The following LEPR variants were observed in gnomAD, a reference collection of about 807,000 sequenced individuals.
The protein encoded by LEPR is OB receptor.
In LEPR, 56 loss-of-function variants were observed where a neutral mutation model predicts 114.7. That is an observed-to-expected ratio of 0.49 (90% CI 0.39 to 0.61). The LOEUF is 0.61. Among genes scored for constraint, LEPR ranks in the 20% least tolerant of loss-of-function variants. The pLI, the probability that LEPR is intolerant of heterozygous loss-of-function variation, is 0.00. For missense variants in LEPR, 1,202 were observed against 1,352.9 expected, an observed-to-expected ratio of 0.89 and a Z score of 1.75; for synonymous variants, 443 against 461.4, an observed-to-expected ratio of 0.96 and a Z score of 0.51.
intron 5 of LEPR, among the ~76,000 whole-genome samples, chr1:65,584,324 T>C (rs921395660): frequency 1.3e-5 from 2 of 152,100 alleles, no homozygotes; most frequent in African/African-American, 4.8e-5. Context: ...GTTGTTATTG[T>C]TTCTAGCCCT....
chr1:65,555,230 G>A (rs1391502314), intron 2 of LEPR, among the ~76,000 whole-genome samples: 1 of 152,198 alleles, frequency 6.6e-6, no homozygotes, highest in Non-Finnish European at 1.5e-5. Context: ...CATGAGAACA[G>A]CAATAGCATG....
intron 2 of LEPR, among the ~76,000 whole-genome samples, chr1:65,532,966 A>C (rs1557644635): frequency 6.6e-6 from 1 of 152,238 alleles, no homozygotes; most frequent in Non-Finnish European, 1.5e-5. Flanking sequence ...GTATGCTATA[A>C]AAGAGTGAAC....
At chr1:65,455,163 T>G (rs1444293014) in intron 2 of LEPR, among the ~76,000 whole-genome samples, 1 of 152,182 alleles carries the variant, frequency 6.6e-6, no homozygotes, top group Non-Finnish European at 1.5e-5. Flanking sequence ...TCTGTATTGG[T>G]TATTCTAGTT....
intron 1 of LEPR, among the ~76,000 whole-genome samples, chr1:65,423,036 A>C (rs1357660916): frequency 1.3e-5 from 2 of 152,132 alleles, no homozygotes; most frequent in Admixed American, 6.5e-5. Context: ...GATTCATTGG[A>C]AGGTGGAATG....
chr1:65,639,497 A>T lies in LEPR; in HGVS notation c.*2482A>T, dbSNP rs76452073. 327 of 152,238 alleles carry T rather than the reference A, an allele frequency of 2.1e-3. 1 individual carries two copies. Among genetic ancestry groups the T allele is most frequent in the African/African-American group, 7.8e-3 (322 of 41,522 alleles). The allele number at this position is 152,238 out of a possible 1,614,324, so 9.4% of individuals were successfully genotyped here. A position where few individuals can be genotyped will look rare whatever the true frequency, so the allele number is the denominator to read the frequency against. On this transcript the variant is annotated 3_prime_UTR_variant, in exon 20 of 20. Transcript: ENST00000349533. ...GACCTTGTGAAAACTACCTGCCATG[A>T]AATACTGGATTTTCACATAATTTAG... is the stretch of plus-strand genomic sequence containing the variant.
At chr1:65,619,796 A>T in intron 16 of LEPR, 132 bp from the exon 17 acceptor site, 1 of 751,010 alleles carries the variant, frequency 1.3e-6, no homozygotes, top group Non-Finnish European at 2.2e-6. Context: ...TTGATAATTT[A>T]ATCCACAAAT....
intron 2 of LEPR, among the ~76,000 whole-genome samples, chr1:65,469,017 T>C (rs1041335755): frequency 6.6e-6 from 1 of 152,262 alleles, no homozygotes; most frequent in Admixed American, 6.5e-5. Context: ...GATTTACTTT[T>C]TGAATGTGGA....
At chr1:65,581,259 C>T (rs1190004589) in intron 5 of LEPR, among the ~76,000 whole-genome samples, 1 of 152,102 alleles carries the variant, frequency 6.6e-6, no homozygotes, top group East Asian at 1.9e-4. Flanking sequence ...CCCTTGCACC[C>T]TTCATGTTAG....
rs1258067883 is a variant in LEPR, at chr1:65,570,507, A to T, written c.75A>T (p.Ser25=). The T allele has an allele frequency of 6.2e-7, 1 of 1,613,888 alleles. No individual in the cohort carries two copies. The highest frequency in any genetic ancestry group is 2.2e-5 in the East Asian group (1 of 44,832). Residue 25 remains serine, a synonymous_variant, in exon 4 of 20, where the codon TCA becomes TCT. Coordinates refer to ENST00000349533, the MANE Select transcript of LEPR (RefSeq NM_002303.6). The part of the protein sequence containing the change: ...FIYVITAFNL[S]YPITPWRFKL... ...ATGTGATAACTGCGTTTAACTTGTC[A>T]TATCCAATTACTCCTTGGAGATTTA...
intron 3 of LEPR, among the ~76,000 whole-genome samples, chr1:65,568,184 T>C (rs1653906538): frequency 6.6e-6 from 1 of 152,214 alleles, no homozygotes; most frequent in Admixed American, 6.5e-5. Context: ...GTATATAGTC[T>C]TTTCATACTG....
At chr1:65,472,441 C>T (rs1482712994) in intron 2 of LEPR, among the ~76,000 whole-genome samples, 2 of 136,856 alleles carry the variant, frequency 1.5e-5, no homozygotes, top group Admixed American at 7.1e-5. Context: ...CACACACACA[C>T]ACACGTGTGT....
At chr1:65,427,009 AAAGAT>A (rs1484155354) in intron 2 of LEPR, among the ~76,000 whole-genome samples, 2 of 152,024 alleles carry the variant, frequency 1.3e-5, no homozygotes, top group Non-Finnish European at 2.9e-5. Context: ...AAAAAAAAAA[AAAGAT>A]GATGATGATG....
At chr1:65,611,365 C>G (rs1373199583) in intron 14 of LEPR, among the ~76,000 whole-genome samples, 1 of 152,148 alleles carries the variant, frequency 6.6e-6, no homozygotes, top group Admixed American at 6.5e-5. Context: ...GGCGGTTGAA[C>G]CCACCGCGGA....
At chr1:65,455,477 T>C (rs1646856517) in intron 2 of LEPR, among the ~76,000 whole-genome samples, 1 of 152,240 alleles carries the variant, frequency 6.6e-6, no homozygotes, top group South Asian at 2.1e-4. Flanking sequence ...ATGTCCTTTC[T>C]GTTTGTTAGT....
At position 65,556,754 on chromosome 1, in the gene LEPR, A is replaced by T. The variant is rs950214035; in HGVS notation, c.-20-8792A>T. ...TGGGATGGCCAGGGCAGGCTCCTTTAGAAGGTGAGTTGAGTGGTGGGGAGA... is the reference window on the plus strand; with the variant it reads ...TGGGATGGCCAGGGCAGGCTCCTTTTGAAGGTGAGTTGAGTGGTGGGGAGA... On this transcript the variant is annotated intron_variant, in intron 2 of 19. Transcript: ENST00000349533. Among the ~76,000 whole-genome samples the T allele has an allele frequency of 5.3e-5, 8 of 152,072 alleles. No homozygotes were observed. The South Asian group carries it at 8.3e-4, about 16-fold the overall frequency.
At chr1:65,545,221 G>A (rs1383909392) in intron 2 of LEPR, among the ~76,000 whole-genome samples, 1 of 147,410 alleles carries the variant, frequency 6.8e-6, no homozygotes, top group Non-Finnish European at 1.5e-5. Context: ...GGACATTTGG[G>A]TTGGTTCCAA....
At chr1:65,545,658 GTCT>G (rs1364893050) in intron 2 of LEPR, among the ~76,000 whole-genome samples, 2 of 152,162 alleles carry the variant, frequency 1.3e-5, no homozygotes, top group African/African-American at 4.8e-5. Context: ...GGGGTTGTCT[GTCT>G]TCTTCTTGTA....
At position 65,421,320 on chromosome 1, in the gene LEPR, A is replaced by G. The variant is rs762541857; in HGVS notation, c.-97+580A>G. On this transcript the variant is annotated intron_variant, in intron 1 of 19. Transcript: ENST00000349533. ...GCTTTCTTCGGTGTTTTCTCTGTTT[A>G]TGGACAGAGAAGAAACCAGTGTGTG... The G allele has an allele frequency of 5.2e-4, 800 of 1,530,446 alleles. 6 individuals are homozygous for G. The highest frequency in any genetic ancestry group is 2.6e-4 in the Admixed American group (13 of 50,412). 94.8% of individuals were successfully genotyped at this position (1,530,446 alleles called of 1,614,324 possible).
At chr1:65,565,395 G>C (rs114305277) in intron 2 of LEPR, among the ~76,000 whole-genome samples, 151 bp from the exon 3 acceptor site, 1 of 152,110 alleles carries the variant, frequency 6.6e-6, no homozygotes, top group Admixed American at 6.5e-5. Flanking sequence ...CTAATTTTAC[G>C]TGAGATATTT....
Sources: allele counts gnomAD v4.1 joint callset (sites outside exome capture counted in the v4.1 genomes callset), GRCh38; gene constraint gnomAD v4.1.1; transcripts MANE v1.5; gene names NCBI Gene and HGNC (gene_info 2026-07-23, HGNC 2026-07-21).